Variants in OR4A5 observed in about 807,000 individuals in gnomAD.
The protein encoded by OR4A5 is olfactory receptor 4A5.
For missense variants in OR4A5, 684 were observed against 381.6 expected, an observed-to-expected ratio of 1.79 and a Z score of -6.60; for synonymous variants, 245 against 138.5, an observed-to-expected ratio of 1.77 and a Z score of -5.40.
In OR4A5 at chr11:54,706,927, T is replaced by A. The variant is rs61890335; in HGVS notation, c.43T>A (p.Phe15Ile). 87,769 of 1,611,626 alleles carry A rather than the reference T, an allele frequency of 0.054. 2,774 individuals carry two copies. The highest frequency in any genetic ancestry group is 0.063 in the Non-Finnish European group (73,988 of 1,178,744). Residue 15 changes from phenylalanine to isoleucine, a missense_variant, in exon 1 of 1, where the codon TTT (phenylalanine) becomes ATT (isoleucine). Phe to Ile is a conservative substitution (Grantham distance 21). Transcript: ENST00000319760. ...TATTACAGAATTTGTCCTCCTGGGC[T>A]TTTCTCAGGATCCTGGTGTGCAAAA... ...NNITEFVLLG[F>I]SQDPGVQKAL...
Position 54,707,419 on chromosome 11 carries a change from C to A in OR4A5, c.535C>A (p.His179Asn), listed in dbSNP as rs750762399. ...NVIVHFSCDMHPLLELACTDT... is the reference protein window; with the variant it reads ...NVIVHFSCDMNPLLELACTDT... Reference sequence around the variant, plus strand: ...CATTGTTCATTTCAGTTGTGACATGCACCCATTACTGGAACTGGCATGCAC... The same window carrying A: ...CATTGTTCATTTCAGTTGTGACATGAACCCATTACTGGAACTGGCATGCAC... Residue 179 changes from histidine (H) to asparagine (N), a missense_variant, in exon 1 of 1, where the codon CAC (histidine) becomes AAC (asparagine). By Grantham distance (68) the His-to-Asn change is moderately conservative. Coordinates refer to ENST00000319760, the MANE Select transcript of OR4A5 (RefSeq NM_001005272.3). 1 of 1,613,488 alleles carries A rather than the reference C, an allele frequency of 6.2e-7. No individual in the cohort carries two copies. Among genetic ancestry groups the A allele is most frequent in the East Asian group, 2.2e-5 (1 of 44,668 alleles).
Position 54,706,869 on chromosome 11 carries a change from C to A in OR4A5, c.-16C>A, listed in dbSNP as rs774814117. ...CCTGAGCTCTCACCTCTGATACAAG[C>A]CTTAAAGAAGAGTAAATGAGACAGA... On this transcript the variant is annotated 5_prime_UTR_variant, in exon 1 of 1. Coordinates refer to ENST00000319760, the MANE Select transcript of OR4A5 (RefSeq NM_001005272.3). 5.2e-6 allele frequency: 8 copies of A among 1,540,428 alleles called. No homozygotes were observed. Among genetic ancestry groups the A allele is most frequent in the Non-Finnish European group, 6.2e-6 (7 of 1,128,958 alleles).
In OR4A5 at chr11:54,707,310, G is replaced by C; in HGVS notation, c.426G>C (p.Leu142=). 1 of 1,613,752 alleles carries C rather than the reference G, an allele frequency of 6.2e-7. No individual in the cohort carries two copies. The highest frequency in any genetic ancestry group is 8.5e-7 in the Non-Finnish European group (1 of 1,179,878). ...TGAATCGACAGGTTTGCTTCCTTCT[G>C]TTGGTGGTGGCCATGATTGGAGGTT... ...TIMNRQVCFL[L]LVVAMIGGFV... Residue 142 remains leucine (L), a synonymous_variant, in exon 1 of 1, where the codon CTG becomes CTC. Coordinates refer to ENST00000319760, the MANE Select transcript of OR4A5 (RefSeq NM_001005272.3).
chr11:54,707,492 T>C lies in OR4A5; in HGVS notation c.608T>C (p.Ile203Thr), dbSNP rs765069024. 6.2e-7 allele frequency: 1 copy of C among 1,613,610 alleles called. No individual in the cohort carries two copies. Among genetic ancestry groups the C allele is most frequent in the African/African-American group, 1.3e-5 (1 of 74,992 alleles). ...ACTGTTGTTGTCAATAGTGGAGCAA[T>C]CTGTATGGTCATTTTCAACCTTCTG... ...GLTVVVNSGA[I>T]CMVIFNLLLI... Residue 203 changes from isoleucine to threonine, a missense_variant, in exon 1 of 1, where the codon ATC becomes ACC. Transcript: ENST00000319760.
Position 54,707,054 on chromosome 11 carries a change from T to C in OR4A5, c.170T>C (p.Met57Thr). The change falls in exon 1 of 1, where the codon ATG (methionine) becomes ACG (threonine). Residue 57 changes from methionine (M) to threonine (T), a missense_variant. Physicochemically the swap from Met to Thr is moderately conservative, Grantham distance 81 (BLOSUM62 -1). Coordinates refer to ENST00000319760, the MANE Select transcript of OR4A5 (RefSeq NM_001005272.3). ...GCCAGCCCTTCCTTGGGTTCCCCAA[T>C]GTATTTCTTCCTTGCCTGCCTGTCA... ...IIASPSLGSP[M>T]YFFLACLSFI... 1 of 1,613,732 alleles carries C rather than the reference T, an allele frequency of 6.2e-7. No homozygotes were observed. The highest frequency in any genetic ancestry group is 2.2e-5 in the East Asian group (1 of 44,764).
rs1356880360 is a variant in OR4A5 at position 54,707,283 on chromosome 11, C to A, written c.399C>A (p.Ile133=). The A allele has an allele frequency of 2.5e-6, 4 of 1,613,722 alleles. No homozygotes were observed. The highest frequency in any genetic ancestry group is 3.4e-6 in the Non-Finnish European group (4 of 1,179,874). ...GTAAGCCACTGCACTATTTGACCATCATGAATCGACAGGTTTGCTTCCTTC... is the reference window on the plus strand; with the variant it reads ...GTAAGCCACTGCACTATTTGACCATAATGAATCGACAGGTTTGCTTCCTTC... The part of the protein sequence containing the change: ...AICKPLHYLT[I]MNRQVCFLLL... The change falls in exon 1 of 1, where the codon ATC becomes ATA. Residue 133 remains isoleucine (I), a synonymous_variant. Coordinates refer to ENST00000319760, the MANE Select transcript of OR4A5 (RefSeq NM_001005272.3).
rs550241243 is a variant in OR4A5, at chr11:54,707,710, A to G, written c.826A>G (p.Thr276Ala). Reference sequence around the variant, plus strand: ...CATGACTGTGTTTTATACCATTATCACACACATGCTGAGTCCTTTAATATA... The same window carrying G: ...CATGACTGTGTTTTATACCATTATCGCACACATGCTGAGTCCTTTAATATA... Reference protein sequence around the residue: ...KFMTVFYTIITHMLSPLIYTL... With the variant: ...KFMTVFYTIIAHMLSPLIYTL... The change falls in exon 1 of 1, where the codon ACA becomes GCA. Residue 276 changes from threonine to alanine, a missense_variant. Thr to Ala is a moderately conservative substitution (Grantham distance 58). Transcript: ENST00000319760. 4 of 1,603,150 alleles carry G rather than the reference A, an allele frequency of 2.5e-6. No individual in the cohort carries two copies. The highest frequency in any genetic ancestry group is 1.1e-5 in the South Asian group (1 of 90,744).
In OR4A5 at chr11:54,707,350, T is replaced by C. The variant is rs749495271; in HGVS notation, c.466T>C (p.Phe156Leu). ...GATTGGAGGTTTTGTACATTCTGCG[T>C]TTCAAATTGTTGTGTACAGTCTCCC... ...AMIGGFVHSA[F>L]QIVVYSLPFC... Residue 156 changes from phenylalanine (F) to leucine (L), a missense_variant, in exon 1 of 1, where the codon TTT becomes CTT. Physicochemically the swap from Phe to Leu is conservative, Grantham distance 22. Transcript: ENST00000319760. 30 of 1,613,680 alleles carry C rather than the reference T, an allele frequency of 1.9e-5. No individual in the cohort carries two copies. The highest frequency in any genetic ancestry group is 1.0e-4 in the Admixed American group (6 of 59,872).
rs1854042208 is a variant in OR4A5, at chr11:54,706,900, A to C, written c.16A>C (p.Asn6His). ...AGAAGAGTAAATGAGACAGAATAAC[A>C]ATATTACAGAATTTGTCCTCCTGGG... is the stretch of plus-strand genomic sequence containing the variant. MRQNN[N>H]ITEFVLLGFS... The change falls in exon 1 of 1, where the codon AAT (asparagine) becomes CAT (histidine). Residue 6 changes from asparagine (N) to histidine (H), a missense_variant. Asn to His is a moderately conservative substitution (Grantham distance 68). Coordinates refer to ENST00000319760, the MANE Select transcript of OR4A5 (RefSeq NM_001005272.3). The C allele has an allele frequency of 6.2e-7, 1 of 1,606,614 alleles. No individual in the cohort carries two copies. Among genetic ancestry groups the C allele is most frequent in the Admixed American group, 1.7e-5 (1 of 59,286 alleles).
In OR4A5 at chr11:54,707,650, G is replaced by T. The variant is rs771799587; in HGVS notation, c.766G>T (p.Val256Phe). ...TTTTGTACCCTGTATTTTCATATAT[G>T]TTAGACCTGTTTCAAACTTTCCTAC... ...LFFVPCIFIY[V>F]RPVSNFPTDK... The change falls in exon 1 of 1, where the codon GTT becomes TTT. Residue 256 changes from valine (V) to phenylalanine (F), a missense_variant. Physicochemically the swap from Val to Phe is conservative, Grantham distance 50. Coordinates refer to ENST00000319760, the MANE Select transcript of OR4A5 (RefSeq NM_001005272.3). 123 of 1,611,882 alleles carry T rather than the reference G, an allele frequency of 7.6e-5. No individual in the cohort carries two copies. The South Asian group carries it at 1.3e-3, about 17-fold the overall frequency.
Position 54,707,094 on chromosome 11 carries a change from A to T in OR4A5, c.210A>T (p.Ala70=). 2 of 1,613,720 alleles carry T rather than the reference A, an allele frequency of 1.2e-6. No individual in the cohort carries two copies. The highest frequency in any genetic ancestry group is 2.2e-5 in the South Asian group (2 of 91,080). Residue 70 remains alanine (A), a synonymous_variant, in exon 1 of 1, where the codon GCA becomes GCT. Transcript: ENST00000319760. ...FLACLSFIDA[A]YSTTISPKLI... ...CCTGCCTGTCATTTATAGATGCTGCATATTCCACTACCATTTCTCCCAAGT... is the reference window on the plus strand; with the variant it reads ...CCTGCCTGTCATTTATAGATGCTGCTTATTCCACTACCATTTCTCCCAAGT...
Position 54,707,410 on chromosome 11 carries a change from T to C in OR4A5, c.526T>C (p.Cys176Arg). The change falls in exon 1 of 1, where the codon TGT (cysteine) becomes CGT (arginine). Residue 176 changes from cysteine (C) to arginine (R), a missense_variant. Cys to Arg is a radical substitution (Grantham distance 180). Transcript: ENST00000319760. ...CGPNVIVHFS[C>R]DMHPLLELAC... ...TCCCAATGTCATTGTTCATTTCAGT[T>C]GTGACATGCACCCATTACTGGAACT... 1 of 1,613,584 alleles carries C rather than the reference T, an allele frequency of 6.2e-7. No homozygotes were observed. The highest frequency in any genetic ancestry group is 8.5e-7 in the Non-Finnish European group (1 of 1,179,874).
Position 54,707,107 on chromosome 11 carries a change from A to T in OR4A5, c.223A>T (p.Ile75Phe). The T allele has an allele frequency of 6.2e-7, 1 of 1,613,626 alleles. No individual in the cohort carries two copies. Among genetic ancestry groups the T allele is most frequent in the Non-Finnish European group, 8.5e-7 (1 of 1,179,864 alleles). Residue 75 changes from isoleucine (I) to phenylalanine (F), a missense_variant, in exon 1 of 1, where the codon ATT (isoleucine) becomes TTT (phenylalanine). By Grantham distance (21) the Ile-to-Phe change is conservative. Coordinates refer to ENST00000319760, the MANE Select transcript of OR4A5 (RefSeq NM_001005272.3). ...TATAGATGCTGCATATTCCACTACCATTTCTCCCAAGTTAATTGTAGGCTT... is the reference window on the plus strand; with the variant it reads ...TATAGATGCTGCATATTCCACTACCTTTTCTCCCAAGTTAATTGTAGGCTT... Reference protein sequence around the residue: ...SFIDAAYSTTISPKLIVGLFC... With the variant: ...SFIDAAYSTTFSPKLIVGLFC...
Position 54,707,699 on chromosome 11 carries a change from A to G in OR4A5, c.815A>G (p.Tyr272Cys). The change falls in exon 1 of 1, where the codon TAT becomes TGT. Residue 272 changes from tyrosine to cysteine, a missense_variant. Transcript: ENST00000319760. Reference sequence around the variant, plus strand: ...ACTGATAAGTTCATGACTGTGTTTTATACCATTATCACACACATGCTGAGT... The same window carrying G: ...ACTGATAAGTTCATGACTGTGTTTTGTACCATTATCACACACATGCTGAGT... Reference protein sequence around the residue: ...FPTDKFMTVFYTIITHMLSPL... With the variant: ...FPTDKFMTVFCTIITHMLSPL... 1.2e-6 allele frequency: 2 copies of G among 1,606,752 alleles called. No individual in the cohort carries two copies. Among genetic ancestry groups the G allele is most frequent in the Non-Finnish European group, 1.7e-6 (2 of 1,173,888 alleles).
chr11:54,707,398 G>A lies in OR4A5; in HGVS notation c.514G>A (p.Val172Ile). 4 of 1,613,492 alleles carry A rather than the reference G, an allele frequency of 2.5e-6. No homozygotes were observed. Among genetic ancestry groups the A allele is most frequent in the East Asian group, 2.2e-5 (1 of 44,686 alleles). The change falls in exon 1 of 1, where the codon GTT becomes ATT. Residue 172 changes from valine to isoleucine, a missense_variant. Transcript: ENST00000319760. ...CCCTTTCTGTGGTCCCAATGTCATT[G>A]TTCATTTCAGTTGTGACATGCACCC... Reference protein sequence around the residue: ...SLPFCGPNVIVHFSCDMHPLL... With the variant: ...SLPFCGPNVIIHFSCDMHPLL...
At position 54,707,045 on chromosome 11, in the gene OR4A5, G is replaced by T. The variant is rs778165031; in HGVS notation, c.161G>T (p.Gly54Val). The change falls in exon 1 of 1, where the codon GGT (glycine) becomes GTT (valine). Residue 54 changes from glycine (G) to valine (V), a missense_variant. Coordinates refer to ENST00000319760, the MANE Select transcript of OR4A5 (RefSeq NM_001005272.3). ...GATATTATTGCCAGCCCTTCCTTGG[G>T]TTCCCCAATGTATTTCTTCCTTGCC... ...VVDIIASPSL[G>V]SPMYFFLACL... 4 of 1,613,652 alleles carry T rather than the reference G, an allele frequency of 2.5e-6. No individual in the cohort carries two copies.
Position 54,707,463 on chromosome 11 carries a change from C to T in OR4A5, c.579C>T (p.Gly193=), listed in dbSNP as rs144502772. Residue 193 remains glycine, a synonymous_variant, in exon 1 of 1, where the codon GGC becomes GGT. Transcript: ENST00000319760. ...ELACTDTYFI[G]LTVVVNSGAI... is the part of the protein sequence containing the mutation. ...CATGCACTGACACCTACTTTATAGG[C>T]CTCACTGTTGTTGTCAATAGTGGAG... 1.2e-3 allele frequency: 1,981 copies of T among 1,613,350 alleles called. 24 individuals are homozygous for T. In the African/African-American group the frequency reaches 0.024, roughly 19 times the overall value.
Position 54,707,168 on chromosome 11 carries a change from G to C in OR4A5, c.284G>C (p.Cys95Ser), listed in dbSNP as rs192882980. 7.7e-5 allele frequency: 124 copies of C among 1,613,714 alleles called. No homozygotes were observed. The East Asian group carries it at 2.5e-3, about 32-fold the overall frequency. ...CDKKTISFQG[C>S]MGQLFIDHFF... is the part of the protein sequence containing the mutation. ...AAAAAGACTATTTCCTTCCAAGGTTGCATGGGCCAGCTATTTATAGACCAT... is the reference window on the plus strand; with the variant it reads ...AAAAAGACTATTTCCTTCCAAGGTTCCATGGGCCAGCTATTTATAGACCAT... Residue 95 changes from cysteine (C) to serine (S), a missense_variant, in exon 1 of 1, where the codon TGC (cysteine) becomes TCC (serine). Transcript: ENST00000319760.
rs1336392599 is a variant in OR4A5, at chr11:54,707,715, C to T, written c.831C>T (p.His277=). 6 of 1,599,866 alleles carry T rather than the reference C, an allele frequency of 3.8e-6. No individual in the cohort carries two copies. In the East Asian group the frequency reaches 6.7e-5, roughly 18 times the overall value. ...FMTVFYTIIT[H]MLSPLIYTLR... ...CTGTGTTTTATACCATTATCACACA[C>T]ATGCTGAGTCCTTTAATATATACGT... is the stretch of plus-strand genomic sequence containing the variant. Residue 277 remains histidine, a synonymous_variant, in exon 1 of 1, where the codon CAC becomes CAT. Transcript: ENST00000319760.
Sources: gnomAD v4.1 joint callset for allele counts on GRCh38, gnomAD v4.1.1 for gene constraint, MANE v1.5 for transcripts, NCBI Gene and HGNC (gene_info 2026-07-23, HGNC 2026-07-21) for gene names.